UBN2: variants seen among roughly 807,000 people sequenced by gnomAD.
UBN2 encodes ubinuclein 2.
UBN2 carries 35 observed loss-of-function variants against 120.2 expected under a neutral mutation model. That is an observed-to-expected ratio of 0.29 (90% confidence interval 0.22 to 0.39). The LOEUF is 0.39. Among genes scored for constraint, UBN2 ranks in the 10% least tolerant of loss-of-function variants. UBN2 has a pLI of 1.00. For missense variants in UBN2, 1,693 were observed against 1,663.2 expected (o/e 1.02, Z -0.31); for synonymous variants, 661 against 648.7 (o/e 1.02, Z -0.29).
At position 139,307,873 on chromosome 7, in the gene UBN2, G is replaced by A. The variant is rs1045286308; in HGVS notation, c.*10037G>A. 1 of 151,844 alleles carries A rather than the reference G, an allele frequency of 6.6e-6. No homozygotes were observed. The highest frequency in any genetic ancestry group is 2.4e-5 in the African/African-American group (1 of 41,330). 9.4% of individuals were successfully genotyped at this position (151,844 alleles called of 1,614,324 possible). A position where few individuals can be genotyped will look rare whatever the true frequency, so the allele number is the denominator to read the frequency against. On this transcript the variant is annotated 3_prime_UTR_variant, in exon 18 of 18. Transcript: ENST00000473989. ...TCCTTCCTAAGAAAAAAGAAGGGCA[G>A]GTAAATTTTTTTAACCAAAAAAAAA...
At chr7:139,236,350 C>A (rs1796162680) in intron 1 of UBN2, among the ~76,000 whole-genome samples, 1 of 152,146 alleles carries the variant, frequency 6.6e-6, no homozygotes. Context: ...AATGGATATC[C>A]ATTGACAGAA....
At chr7:139,265,481 A>G (rs561494317) in intron 6 of UBN2, among the ~76,000 whole-genome samples, 1 of 152,320 alleles carries the variant, frequency 6.6e-6, no homozygotes, top group Admixed American at 6.5e-5. Context: ...CCGTCTCAAA[A>G]AAAAAGAAAT....
At chr7:139,272,259 G>T in intron 8 of UBN2, 63 bp from the exon 9 acceptor site, 1 of 1,158,040 alleles carries the variant, frequency 8.6e-7, no homozygotes, top group Non-Finnish European at 1.2e-6. Context: ...ATCTTTTGAG[G>T]ACCTGCTTAC....
chr7:139,283,746 C>T lies in UBN2; in HGVS notation c.2841C>T (p.Ile947=). 1 of 1,613,828 alleles carries T rather than the reference C, an allele frequency of 6.2e-7. No homozygotes were observed. The highest frequency in any genetic ancestry group is 8.5e-7 in the Non-Finnish European group (1 of 1,180,026). ...ATGTGTCTCCATTACAGGCCACCATCAGTAAATCCCAGACCAACCCCGTCG... is the reference window on the plus strand; with the variant it reads ...ATGTGTCTCCATTACAGGCCACCATTAGTAAATCCCAGACCAACCCCGTCG... ...QNYVSPLQAT[I]SKSQTNPVVK... Residue 947 remains isoleucine (I), a synonymous_variant, in exon 15 of 18, where the codon ATC becomes ATT. Coordinates refer to ENST00000473989, the MANE Select transcript of UBN2 (RefSeq NM_173569.4).
In UBN2 at chr7:139,307,182, C is replaced by T. The variant is rs1798372167; in HGVS notation, c.*9346C>T. ...GTTTCAAAACCAATCTTGAAGGAGC[C>T]TAAAGAGTTGATGGTCCTCTAGGTG... On this transcript the variant is annotated 3_prime_UTR_variant, in exon 18 of 18. Transcript: ENST00000473989. 2 of 152,124 alleles carry T rather than the reference C, an allele frequency of 1.3e-5. No individual in the cohort carries two copies. Among genetic ancestry groups the T allele is most frequent in the African/African-American group, 4.8e-5 (2 of 41,408 alleles). 9.4% of individuals were successfully genotyped at this position (152,124 alleles called of 1,614,324 possible). A position where few individuals can be genotyped will look rare whatever the true frequency, so the allele number is the denominator to read the frequency against.
chr7:139,321,252 G>A, the UBN2 span, among the ~76,000 whole-genome samples: 16 of 152,330 alleles, frequency 1.1e-4, no homozygotes, highest in Admixed American at 1.0e-3. Flanking sequence ...CGTCCTGGCC[G>A]TGGCGGAATG....
At chr7:139,233,451 A>G (rs985611015) in intron 1 of UBN2, among the ~76,000 whole-genome samples, 2 of 152,220 alleles carry the variant, frequency 1.3e-5, no homozygotes, top group East Asian at 1.9e-4. Context: ...ATAAAAATAC[A>G]TAGCAATAAC....
chr7:139,318,647 C>T, the UBN2 span, among the ~76,000 whole-genome samples: 1 of 152,062 alleles, frequency 6.6e-6, no homozygotes, highest in Non-Finnish European at 1.5e-5. Context: ...AGGTGCGTGC[C>T]ACCATACCCA....
chr7:139,251,891 G>C, intron 2 of UBN2, 65 bp from the exon 3 acceptor site: 1 of 1,468,976 alleles, frequency 6.8e-7, no homozygotes, highest in Non-Finnish European at 9.5e-7. Flanking sequence ...CTTCTAACAG[G>C]TCTTTTTAAA....
chr7:139,292,131 G>GT (rs1195267337), intron 15 of UBN2, among the ~76,000 whole-genome samples: 9 of 152,014 alleles, frequency 5.9e-5, no homozygotes, highest in African/African-American at 2.2e-4. Flanking sequence ...GCATGTGCCT[G>GT]TAGTCTTAGC....
intron 6 of UBN2, among the ~76,000 whole-genome samples, chr7:139,264,611 C>A (rs531391576): frequency 9.9e-5 from 15 of 151,994 alleles, no homozygotes; most frequent in African/African-American, 3.6e-4. Context: ...CTTGCTCTGT[C>A]CCCAGGTTGG....
At chr7:139,282,912 T>G in intron 14 of UBN2, 112 bp from the exon 15 acceptor site, 2 of 1,011,012 alleles carry the variant, frequency 2.0e-6, no homozygotes, top group Admixed American at 6.2e-5. Flanking sequence ...TCTGAAGATT[T>G]CCAGTAGAAA....
intron 13 of UBN2, among the ~76,000 whole-genome samples, chr7:139,281,030 A>C (rs998880048): frequency 1.2e-4 from 18 of 152,162 alleles, no homozygotes; most frequent in African/African-American, 3.4e-4. Context: ...TTGAATTTAG[A>C]TGTTGTTTTG....
chr7:139,248,857 GAT>G (rs1198775002), intron 2 of UBN2, among the ~76,000 whole-genome samples: 1 of 151,906 alleles, frequency 6.6e-6, no homozygotes, highest in Non-Finnish European at 1.5e-5. Context: ...CCTGAATGCT[GAT>G]TCTCACCATA....
chr7:139,252,094 T>C, intron 3 of UBN2, 37 bp downstream of exon 3: 1 of 1,542,764 alleles, frequency 6.5e-7, no homozygotes, highest in Non-Finnish European at 9.0e-7. Flanking sequence ...GCAAATTCAT[T>C]GTTTGTATGG....
At chr7:139,269,070 A>C (rs755735286) in intron 7 of UBN2, among the ~76,000 whole-genome samples, 10 of 152,064 alleles carry the variant, frequency 6.6e-5, no homozygotes, top group Non-Finnish European at 1.0e-4. Flanking sequence ...TTAGCTGGGC[A>C]TGGTGGCGGG....
Position 139,283,481 on chromosome 7 carries a change from G to T in UBN2, c.2576G>T (p.Gly859Val). The T allele has an allele frequency of 6.2e-7, 1 of 1,614,060 alleles. No individual in the cohort carries two copies. Among genetic ancestry groups the T allele is most frequent in the Non-Finnish European group, 8.5e-7 (1 of 1,180,008 alleles). Residue 859 changes from glycine (G) to valine (V), a missense_variant, in exon 15 of 18, where the codon GGT (glycine) becomes GTT (valine). Gly to Val is a moderately radical substitution (Grantham distance 109). Coordinates refer to ENST00000473989, the MANE Select transcript of UBN2 (RefSeq NM_173569.4). ...HTGISSGLIA[G>V]SSIQNPKVSL... Reference sequence around the variant, plus strand: ...GGCATCTCTTCAGGCCTTATTGCTGGTTCTTCCATTCAGAACCCTAAAGTT... The same window carrying T: ...GGCATCTCTTCAGGCCTTATTGCTGTTTCTTCCATTCAGAACCCTAAAGTT...
chr7:139,232,353 C>T (rs1333792304), intron 1 of UBN2, among the ~76,000 whole-genome samples: 1 of 152,256 alleles, frequency 6.6e-6, no homozygotes, highest in Admixed American at 6.5e-5. Flanking sequence ...GAAGAGAAAA[C>T]CTTGGGGGAC....
intron 11 of UBN2, among the ~76,000 whole-genome samples, chr7:139,275,322 G>C (rs1162589160): frequency 7.0e-6 from 1 of 143,258 alleles, no homozygotes; most frequent in Non-Finnish European, 1.5e-5. Context: ...GGTGGCTCAC[G>C]CCTGTAATCC....
Sources: gnomAD v4.1 joint callset for allele counts (sites outside exome capture counted in the v4.1 genomes callset) on GRCh38, gnomAD v4.1.1 for gene constraint, MANE v1.5 for transcripts, NCBI Gene and HGNC (gene_info 2026-07-23, HGNC 2026-07-21) for gene names.